The following SLC67A2 variants were observed in gnomAD, a reference collection of about 807,000 sequenced individuals.
SLC67A2 encodes the protein solute carrier family 67 member A2.
chr2:102,727,233 A>G, the SLC67A2 span, among the ~76,000 whole-genome samples: 1 of 152,218 alleles, frequency 6.6e-6, no homozygotes, highest in Non-Finnish European at 1.5e-5. Context: ...GTAGCTAAGA[A>G]AGGCAGGAGA....
chr2:102,735,136 A>C, the SLC67A2 span, among the ~76,000 whole-genome samples: 3 of 152,196 alleles, frequency 2.0e-5, no homozygotes, highest in African/African-American at 4.8e-5. Flanking sequence ...AAAGTAGAAG[A>C]AGCATCCCCA....
chr2:102,725,686 C>T, the SLC67A2 span, among the ~76,000 whole-genome samples: 1 of 118,100 alleles, frequency 8.5e-6, no homozygotes, highest in Admixed American at 9.0e-5. Context: ...ATCTAGTCAA[C>T]AAAAAGGCAT....
At chr2:102,716,765 AT>A in the SLC67A2 span, 17 of 152,228 alleles carry the variant, frequency 1.1e-4, no homozygotes, top group African/African-American at 4.1e-4. Context: ...TAGTGGACTA[AT>A]TAAGAAAAGT....
chr2:102,736,873 C>T, the SLC67A2 span: 2 of 1,499,012 alleles, frequency 1.3e-6, no homozygotes, highest in Non-Finnish European at 1.8e-6. Flanking sequence ...AGCCCAGCCC[C>T]GCCCCGAGCG....
At chr2:102,723,730 T>C in the SLC67A2 span, 5 of 1,614,030 alleles carry the variant, frequency 3.1e-6, no homozygotes, top group South Asian at 2.2e-5. Context: ...AAAAAGCAGA[T>C]GAAGGCTGTG....
chr2:102,726,867 A>G, the SLC67A2 span: 3 of 1,610,378 alleles, frequency 1.9e-6, no homozygotes, highest in Non-Finnish European at 2.5e-6. Flanking sequence ...TAGCCAGGAC[A>G]AACAGAAACA....
chr2:102,733,417 C>T, the SLC67A2 span, among the ~76,000 whole-genome samples: 5 of 152,174 alleles, frequency 3.3e-5, no homozygotes, highest in Non-Finnish European at 7.4e-5. Context: ...GGTAGCTGTA[C>T]ATTCATATAA....
the SLC67A2 span, among the ~76,000 whole-genome samples, chr2:102,733,927 A>G: frequency 6.6e-6 from 1 of 152,204 alleles, no homozygotes; most frequent in African/African-American, 2.4e-5. Context: ...GTGAGTCTGA[A>G]AAGTACTATA....
chr2:102,726,856 C>G, the SLC67A2 span: 1 of 1,591,786 alleles, frequency 6.3e-7, no homozygotes, highest in Non-Finnish European at 8.5e-7. Flanking sequence ...TGCCGGGACT[C>G]TAGCCAGGAC....
chr2:102,721,607 G>A, the SLC67A2 span, among the ~76,000 whole-genome samples: 1 of 152,172 alleles, frequency 6.6e-6, no homozygotes, highest in African/African-American at 2.4e-5. Context: ...AAGTGAAGAA[G>A]AAGAAAGACA....
the SLC67A2 span, chr2:102,718,319 T>A: frequency 1.4e-6 from 2 of 1,416,586 alleles, no homozygotes; most frequent in Middle Eastern, 4.0e-4. Flanking sequence ...CGGAAATATT[T>A]CCCTTCCACC....
At chr2:102,718,367 C>CTCT in the SLC67A2 span, 1 of 1,592,792 alleles carries the variant, frequency 6.3e-7, no homozygotes, top group South Asian at 1.1e-5. Context: ...TCATGGCCTC[C>CTCT]GGCCCTCATT....
At chr2:102,722,786 A>T in the SLC67A2 span, among the ~76,000 whole-genome samples, 1 of 152,300 alleles carries the variant, frequency 6.6e-6, no homozygotes, top group Admixed American at 6.5e-5. Context: ...GAAACGAAAA[A>T]GCTTCTGCAC....
the SLC67A2 span, chr2:102,718,752 G>A: frequency 6.1e-5 from 99 of 1,613,718 alleles, no homozygotes; most frequent in Middle Eastern, 3.3e-4. Flanking sequence ...TAGAGCAGCA[G>A]CAGTGTGCAG....
At chr2:102,732,174 T>C in the SLC67A2 span, 7 of 758,054 alleles carry the variant, frequency 9.2e-6, no homozygotes, top group South Asian at 5.9e-5. Context: ...TATAGGGTAA[T>C]ATTTTAAAAT....
chr2:102,732,105 C>T, the SLC67A2 span: 29 of 658,410 alleles, frequency 4.4e-5, no homozygotes, highest in Non-Finnish European at 7.7e-5. Context: ...GGTTATAGTG[C>T]TCAAATCTCA....
At chr2:102,721,746 C>G in the SLC67A2 span, among the ~76,000 whole-genome samples, 1 of 151,952 alleles carries the variant, frequency 6.6e-6, no homozygotes, top group Non-Finnish European at 1.5e-5. Flanking sequence ...ACTCTGTCAC[C>G]CAGGCTGGAA....
the SLC67A2 span, among the ~76,000 whole-genome samples, chr2:102,730,158 C>A: frequency 1.3e-5 from 2 of 151,100 alleles, no homozygotes; most frequent in Non-Finnish European, 3.0e-5. Context: ...GAAATTCAAA[C>A]AACTGAGTGG....
At chr2:102,735,403 A>G in the SLC67A2 span, among the ~76,000 whole-genome samples, 1 of 152,198 alleles carries the variant, frequency 6.6e-6, no homozygotes, top group Admixed American at 6.5e-5. Context: ...AGGTGGTGGC[A>G]TGGAGAGTGC....
Sources: allele counts gnomAD v4.1 joint callset (sites outside exome capture counted in the v4.1 genomes callset), GRCh38; gene constraint gnomAD v4.1.1; transcripts MANE v1.5; gene names NCBI Gene and HGNC (gene_info 2026-07-23, HGNC 2026-07-21).